KIZ: variants seen among roughly 807,000 people sequenced by gnomAD.
KIZ encodes kizuna centrosomal protein.
In KIZ, 68 loss-of-function variants were observed where a neutral mutation model predicts 79.6. The observed-to-expected ratio is 0.85, with a 90% confidence interval of 0.70 to 1.05. The LOEUF (loss-of-function observed/expected upper bound fraction) is 1.05, where lower values mean the gene tolerates loss of function less well. Among genes scored for constraint, KIZ ranks in the 50% least tolerant of loss-of-function variants. KIZ has a pLI of 0.00. For missense variants in KIZ, 797 were observed against 800.4 expected, an observed-to-expected ratio of 1.00 and a Z score of 0.05; for synonymous variants, 280 against 281.8, an observed-to-expected ratio of 0.99 and a Z score of 0.06.
chr20:21,207,468 C>G (rs1165128393), intron 7 of KIZ, among the ~76,000 whole-genome samples: 1 of 101,706 alleles, frequency 9.8e-6, no homozygotes, highest in Non-Finnish European at 1.8e-5. Context: ...ATCTTCGTAC[C>G]CCCCTCCCTT....
intron 6 of KIZ, among the ~76,000 whole-genome samples, chr20:21,176,334 C>T (rs567491224): frequency 2.0e-5 from 3 of 152,092 alleles, no homozygotes; most frequent in South Asian, 2.1e-4. Context: ...ATCAATCAAT[C>T]AATCCGGAAA....
intron 3 of KIZ, among the ~76,000 whole-genome samples, chr20:21,137,578 C>T (rs1436629025): frequency 6.7e-6 from 1 of 149,736 alleles, no homozygotes; most frequent in African/African-American, 2.5e-5. Context: ...ACTCATAATT[C>T]TCCACTTAGA....
At chr20:21,155,646 A>C (rs1477356758) in intron 4 of KIZ, among the ~76,000 whole-genome samples, 1 of 152,202 alleles carries the variant, frequency 6.6e-6, no homozygotes, top group Non-Finnish European at 1.5e-5. Flanking sequence ...CTAAAAACCC[A>C]CTGAATTGTA....
chr20:21,130,689 G>A (rs943165220), intron 1 of KIZ, among the ~76,000 whole-genome samples: 2 of 151,764 alleles, frequency 1.3e-5, no homozygotes, highest in Non-Finnish European at 2.9e-5. Context: ...TGTTCCCCAA[G>A]TGAAGATTCT....
chr20:21,172,342 C>T (rs990582188), intron 6 of KIZ, among the ~76,000 whole-genome samples: 7 of 152,116 alleles, frequency 4.6e-5, no homozygotes, highest in African/African-American at 1.7e-4. Context: ...CGGTGACTAA[C>T]GTGTAATCCT....
At position 21,129,755 on chromosome 20, in the gene KIZ, A is replaced by G. The variant is rs530211325; in HGVS notation, c.90-2342A>G. On this transcript the variant is annotated intron_variant, in intron 1 of 12. Coordinates refer to ENST00000619189, the MANE Select transcript of KIZ (RefSeq NM_018474.6). ...TCAAAAAAAAAAAATGTGTGTATAT[A>G]TATATATATTTTTTAAAGTAAATTC... Among the ~76,000 whole-genome samples the G allele has an allele frequency of 7.9e-5, 12 of 152,040 alleles. No individual in the cohort carries two copies. In the East Asian group the frequency reaches 1.5e-3, roughly 20 times the overall value.
At chr20:21,222,465 G>A (rs1181497741) in intron 9 of KIZ, among the ~76,000 whole-genome samples, 1 of 152,212 alleles carries the variant, frequency 6.6e-6, no homozygotes. Flanking sequence ...TGTAGGTCCT[G>A]TTTTGAAGCA....
chr20:21,139,671 TC>T (rs1441303967), intron 3 of KIZ, among the ~76,000 whole-genome samples: 2 of 152,180 alleles, frequency 1.3e-5, no homozygotes, highest in Non-Finnish European at 2.9e-5. Context: ...AAGGGAAGAA[TC>T]ATCTTTTGTA....
At chr20:21,129,448 A>G (rs2031696353) in intron 1 of KIZ, among the ~76,000 whole-genome samples, 1 of 152,204 alleles carries the variant, frequency 6.6e-6, no homozygotes, top group Non-Finnish European at 1.5e-5. Context: ...AAATTATTTT[A>G]AAGTGGCTGG....
chr20:21,171,144 G>A (rs2034189220), intron 6 of KIZ, among the ~76,000 whole-genome samples: 1 of 152,166 alleles, frequency 6.6e-6, no homozygotes, highest in African/African-American at 2.4e-5. Context: ...GTGTTTAGTG[G>A]TATGCAATTG....
chr20:21,186,123 TTAC>T (rs1489280006), intron 6 of KIZ, among the ~76,000 whole-genome samples: 2 of 152,144 alleles, frequency 1.3e-5, no homozygotes, highest in African/African-American at 4.8e-5. Context: ...TATTTATTGT[TTAC>T]TAGTAAAAAA....
chr20:21,152,064 C>G (rs917317761), intron 4 of KIZ, among the ~76,000 whole-genome samples: 1 of 152,092 alleles, frequency 6.6e-6, no homozygotes, highest in African/African-American at 2.4e-5. Context: ...AAGCAGGTTG[C>G]GGAGAGTTGC....
At chr20:21,220,745 G>C (rs959754230) in intron 9 of KIZ, among the ~76,000 whole-genome samples, 8 of 152,202 alleles carry the variant, frequency 5.3e-5, no homozygotes, top group African/African-American at 1.7e-4. Context: ...CTCCCAAAGT[G>C]CTGGGATTAC....
intron 6 of KIZ, chr20:21,194,866 C>T (rs1027237475): frequency 6.6e-6 from 1 of 151,966 alleles, no homozygotes; most frequent in African/African-American, 2.4e-5. Flanking sequence ...ATAAGTGTGT[C>T]ATATGAATTT....
intron 9 of KIZ, among the ~76,000 whole-genome samples, chr20:21,216,157 A>G (rs751519734): frequency 6.6e-6 from 1 of 152,208 alleles, no homozygotes. Context: ...ATTTCTGCAC[A>G]TGTATTAGGC....
intron 9 of KIZ, among the ~76,000 whole-genome samples, chr20:21,221,061 C>G (rs2036487738): frequency 6.6e-6 from 1 of 152,132 alleles, no homozygotes; most frequent in African/African-American, 2.4e-5. Flanking sequence ...TGAAACACTT[C>G]CTGACCTACT....
intron 6 of KIZ, among the ~76,000 whole-genome samples, chr20:21,179,116 GT>G (rs941109261): frequency 6.6e-5 from 10 of 150,948 alleles, no homozygotes; most frequent in African/African-American, 2.4e-4. Flanking sequence ...CTTTTTTTCA[GT>G]TTTTTTGGAA....
At chr20:21,144,775 G>T (rs2032759259) in intron 3 of KIZ, among the ~76,000 whole-genome samples, 1 of 152,118 alleles carries the variant, frequency 6.6e-6, no homozygotes, top group Non-Finnish European at 1.5e-5. Flanking sequence ...CATCTCATAG[G>T]TGTGTTTCTA....
chr20:21,227,179 C>T (rs149027210), intron 9 of KIZ, among the ~76,000 whole-genome samples: 533 of 152,196 alleles, frequency 3.5e-3, no homozygotes, highest in Non-Finnish European at 4.6e-3. Context: ...ATGCTTAATC[C>T]CCCCCAAATC....
Sources: gnomAD v4.1 joint callset for allele counts (sites outside exome capture counted in the v4.1 genomes callset) on GRCh38, gnomAD v4.1.1 for gene constraint, MANE v1.5 for transcripts, NCBI Gene and HGNC (gene_info 2026-07-23, HGNC 2026-07-21) for gene names.